Variants in PRKCA observed in about 807,000 individuals in gnomAD.
The protein encoded by PRKCA is protein kinase C alpha.
A neutral mutation model predicts 87.0 loss-of-function variants in PRKCA; 27 were observed. The ratio of observed to expected loss-of-function variants is 0.31; its 90% CI spans 0.23 to 0.43. The LOEUF (loss-of-function observed/expected upper bound fraction) is 0.43. Among genes scored for constraint, PRKCA ranks in the 20% least tolerant of loss-of-function variants. PRKCA has a pLI of 1.00. For synonymous variants in PRKCA, 329 were observed against 311.1 expected, an observed-to-expected ratio of 1.06 and a Z score of -0.61; for missense variants, 518 against 852.3, an observed-to-expected ratio of 0.61 and a Z score of 4.88.
chr17:66,578,749 T>C (rs1969321276), intron 3 of PRKCA, among the ~76,000 whole-genome samples: 2 of 152,190 alleles, frequency 1.3e-5, no homozygotes, highest in Admixed American at 6.5e-5. Flanking sequence ...GTTCCTGTCC[T>C]CTTCATCCAG....
intron 2 of PRKCA, among the ~76,000 whole-genome samples, chr17:66,327,092 C>T (rs143642059): frequency 6.6e-6 from 1 of 151,676 alleles, no homozygotes; most frequent in Non-Finnish European, 1.5e-5. Context: ...AATAATAGGC[C>T]AGGCGTGGTG....
chr17:66,377,693 T>G (rs1343875920), intron 2 of PRKCA, among the ~76,000 whole-genome samples: 1 of 134,374 alleles, frequency 7.4e-6, no homozygotes, highest in African/African-American at 2.8e-5. Flanking sequence ...ATATATAAAG[T>G]CTATGTTTTA....
At chr17:66,587,895 G>GTGTATATATATATATATA (rs1485055138) in intron 3 of PRKCA, among the ~76,000 whole-genome samples, 1 of 85,418 alleles carries the variant, frequency 1.2e-5, no homozygotes, top group African/African-American at 4.0e-5. Flanking sequence ...GTGTGTGTGT[G>GTGTATATATATATATATA]TATATATATA....
chr17:66,732,912 A>T (rs1973938690), intron 9 of PRKCA, 87 bp downstream of exon 9: 14 of 1,473,794 alleles, frequency 9.5e-6, no homozygotes, highest in Non-Finnish European at 1.1e-5. Context: ...GCAGAATAGC[A>T]CATTAGATTT....
At chr17:66,427,672 A>G (rs376015256) in intron 2 of PRKCA, among the ~76,000 whole-genome samples, 2 of 152,344 alleles carry the variant, frequency 1.3e-5, no homozygotes, top group African/African-American at 4.8e-5. Flanking sequence ...TCACTTTCAT[A>G]TCACAGAAAG....
intron 13 of PRKCA, among the ~76,000 whole-genome samples, chr17:66,765,428 A>ATATC (rs1568020922): frequency 9.7e-6 from 1 of 102,848 alleles, no homozygotes; most frequent in Non-Finnish European, 2.0e-5. Flanking sequence ...CTATATATAT[A>ATATC]TATATATATA....
At chr17:66,495,525 G>GTATTTTATTTTATTTTATTTTATTT (rs56718851) in intron 2 of PRKCA, among the ~76,000 whole-genome samples, 13,070 of 137,230 alleles carry the variant, frequency 0.095, 886 homozygotes, top group Middle Eastern at 0.14. Flanking sequence ...ATGGTGCAAA[G>GTATTTTATTTTATTTTATTTTATTT]TATTTTATTT....
At chr17:66,645,277 C>T (rs1184982719) in intron 4 of PRKCA, 106 bp from the exon 5 acceptor site, 117 of 1,475,330 alleles carry the variant, frequency 7.9e-5, no homozygotes, top group South Asian at 1.9e-4. Flanking sequence ...AGCAAAGTAT[C>T]GAGTTGGGGG....
In PRKCA at chr17:66,687,264, C is replaced by A. The variant is rs761072166; in HGVS notation, c.683C>A (p.Thr228Lys). 2 of 1,613,276 alleles carry A rather than the reference C, an allele frequency of 1.2e-6. No individual in the cohort carries two copies. Among genetic ancestry groups the A allele is most frequent in the Admixed American group, 1.7e-5 (1 of 59,862 alleles). The change falls in exon 6 of 17, where the codon ACA becomes AAA. Residue 228 changes from threonine (T) to lysine (K), a missense_variant. Around this residue, in one of 5 missense-constraint regions of PRKCA, gnomAD observed 300 missense variants for 496.8 expected, o/e 0.60. Coordinates refer to ENST00000413366, the MANE Select transcript of PRKCA (RefSeq NM_002737.3). The part of the protein sequence containing the change: ...TLNPQWNESF[T>K]FKLKPSDKDR... Reference sequence around the variant, plus strand: ...AATCCGCAGTGGAATGAGTCCTTTACATTGTAAGTGGTCTCTCCTTGATCA... The same window carrying A: ...AATCCGCAGTGGAATGAGTCCTTTAAATTGTAAGTGGTCTCTCCTTGATCA...
In PRKCA at chr17:66,689,727, C is replaced by T. The variant is rs148566365; in HGVS notation, c.918+680C>T. 4.5e-4 allele frequency among the ~76,000 whole-genome samples: 69 copies of T among 152,254 alleles called. No individual in the cohort carries two copies. Among genetic ancestry groups the T allele is most frequent in the East Asian group, 2.3e-3 (12 of 5,186 alleles). On this transcript the variant is annotated intron_variant, in intron 8 of 16. Coordinates refer to ENST00000413366, the MANE Select transcript of PRKCA (RefSeq NM_002737.3). This position sits in a 1 kb window ranked among gnomAD's most constrained non-coding sequence, Gnocchi z 4.1. ...TACCGACATCTCAGCTTTTAGTAAA[C>T]GGTTCTTTTCTGTAAGCACCTTCCT...
intron 2 of PRKCA, among the ~76,000 whole-genome samples, chr17:66,322,654 T>G (rs2143223772): frequency 6.6e-6 from 1 of 150,534 alleles, no homozygotes. Flanking sequence ...TTTTTTTTTT[T>G]GTAGAGATGG....
At chr17:66,774,600 AAC>A in intron 14 of PRKCA, 5 of 985,994 alleles carry the variant, frequency 5.1e-6, no homozygotes, top group Non-Finnish European at 6.0e-6. Flanking sequence ...CAGCCTGGGC[AAC>A]AGAGTGAGAC....
chr17:66,555,760 T>C (rs936611923), intron 3 of PRKCA, among the ~76,000 whole-genome samples: 2 of 152,178 alleles, frequency 1.3e-5, no homozygotes, highest in South Asian at 2.1e-4. Context: ...ACTTCTATTA[T>C]GAACTACCAC....
At position 66,454,755 on chromosome 17, in the gene PRKCA, T is replaced by A. The variant is rs228880; in HGVS notation, c.206-41446T>A. On this transcript the variant is annotated intron_variant, in intron 2 of 16. Coordinates refer to ENST00000413366, the MANE Select transcript of PRKCA (RefSeq NM_002737.3). ...AACTCCCACTGGCTCCCTCCCCCAA[T>A]GTGTAGGAATTTACGGGAGGTACAA... Among the ~76,000 whole-genome samples, 224 of 152,254 alleles carry A rather than the reference T, an allele frequency of 1.5e-3. 4 individuals are homozygous for A. The East Asian group carries it at 0.029, about 20-fold the overall frequency.
intron 2 of PRKCA, among the ~76,000 whole-genome samples, chr17:66,434,278 A>G (rs1488033618): frequency 2.5e-5 from 1 of 39,306 alleles, no homozygotes; most frequent in Non-Finnish European, 1.4e-4. Context: ...GGGAGTGTGA[A>G]TGGAAGACAG....
intron 2 of PRKCA, among the ~76,000 whole-genome samples, chr17:66,328,632 T>G (rs1460132849): frequency 3.9e-5 from 6 of 152,034 alleles, no homozygotes; most frequent in Non-Finnish European, 8.8e-5. Context: ...ACCCTGTCTC[T>G]ACTAAAAATA....
At chr17:66,489,954 T>TA (rs1423456091) in intron 2 of PRKCA, among the ~76,000 whole-genome samples, 1 of 151,854 alleles carries the variant, frequency 6.6e-6, no homozygotes, top group Non-Finnish European at 1.5e-5. Context: ...CTAATTTTTG[T>TA]AATTTTAGTA....
At chr17:66,417,713 T>C (rs754801096) in intron 2 of PRKCA, among the ~76,000 whole-genome samples, 7 of 152,114 alleles carry the variant, frequency 4.6e-5, no homozygotes, top group Non-Finnish European at 7.4e-5. Context: ...TGGTCTTTTG[T>C]TTGGCTGCCT....
chr17:66,347,346 A>G (rs912540187), intron 2 of PRKCA, among the ~76,000 whole-genome samples: 2 of 152,130 alleles, frequency 1.3e-5, no homozygotes, highest in Admixed American at 1.3e-4. Context: ...GTTGAAGTGT[A>G]TGTCTAACAC....
Sources: gnomAD v4.1 joint callset for allele counts (sites outside exome capture counted in the v4.1 genomes callset) on GRCh38, gnomAD v4.1.1 for gene constraint, gnomAD v4.1.1 regional missense constraint, Gnocchi (gnomAD v3.1) non-coding constraint, MANE v1.5 for transcripts, NCBI Gene and HGNC (gene_info 2026-07-23, HGNC 2026-07-21) for gene names.